Variants in TTC7A observed in about 807,000 individuals in gnomAD.
The protein encoded by TTC7A is tetratricopeptide repeat domain 7A.
TTC7A carries 110 observed loss-of-function variants against 103.7 expected under a neutral mutation model. The ratio of observed to expected loss-of-function variants is 1.06; its 90% CI spans 0.91 to 1.24. The LOEUF (loss-of-function observed/expected upper bound fraction) is 1.24, where lower values mean the gene tolerates loss of function less well. Among genes scored for constraint, TTC7A ranks in the 50% most tolerant of loss-of-function variants. The pLI is 0.00. For synonymous variants in TTC7A, 521 were observed against 467.9 expected (o/e 1.11, Z -1.47); for missense variants, 1,340 against 1,116.3 (o/e 1.20, Z -2.86).
chr2:47,052,064 C>G (rs975229025), intron 18 of TTC7A, among the ~76,000 whole-genome samples, 184 bp downstream of exon 18: 1 of 152,210 alleles, frequency 6.6e-6, no homozygotes, highest in African/African-American at 2.4e-5. Flanking sequence ...TGTCTGCCTT[C>G]CTGCCTGGGA....
At chr2:46,940,382 T>G (rs1416222577), upstream of TTC7A, among the ~76,000 whole-genome samples, 1 of 152,130 alleles carries the variant, frequency 6.6e-6, no homozygotes, top group African/African-American at 2.4e-5. This position sits in a 1 kb window ranked among gnomAD's most constrained non-coding sequence, Gnocchi z 4.7. Flanking sequence ...CACTGGTCTG[T>G]GAGCTGCGGC....
intron 15 of TTC7A, among the ~76,000 whole-genome samples, chr2:47,030,189 G>A (rs1265858777): frequency 6.6e-6 from 1 of 152,232 alleles, no homozygotes; most frequent in East Asian, 1.9e-4. Flanking sequence ...TTTAGAACCA[G>A]CCCAAGGCTG....
intron 2 of TTC7A, among the ~76,000 whole-genome samples, chr2:46,924,769 G>C (rs1669298484): frequency 6.6e-6 from 1 of 152,174 alleles, no homozygotes; most frequent in South Asian, 2.1e-4. Context: ...TGGGACTACA[G>C]GCACACTGCC....
At chr2:47,037,486 C>A (rs771980811) in intron 15 of TTC7A, among the ~76,000 whole-genome samples, 1 of 152,166 alleles carries the variant, frequency 6.6e-6, no homozygotes, top group Non-Finnish European at 1.5e-5. Flanking sequence ...CTTTACAGCA[C>A]CCCTGTTTTG....
In TTC7A at chr2:46,995,170, C is replaced by G; in HGVS notation, c.1036C>G (p.Leu346Val). Residue 346 changes from leucine to valine, a missense_variant, in exon 8 of 20, where the codon CTC becomes GTC. By Grantham distance (32) the Leu-to-Val change is conservative (BLOSUM62 1). Transcript: ENST00000319190. ...CCCCAAGGACAACATCGAGGAAGCC[C>G]TCCTGCTCCTCCTCATCAGCGAATC... ...YCPKDNIEEA[L>V]LLLLISESMA... 1 of 1,614,174 alleles carries G rather than the reference C, an allele frequency of 6.2e-7. No individual in the cohort carries two copies. Among genetic ancestry groups the G allele is most frequent in the Non-Finnish European group, 8.5e-7 (1 of 1,180,034 alleles).
chr2:46,958,798 C>T (rs1672127395), intron 3 of TTC7A, among the ~76,000 whole-genome samples: 1 of 152,180 alleles, frequency 6.6e-6, no homozygotes, highest in South Asian at 2.1e-4. Flanking sequence ...TTTGGGGGAT[C>T]CGGTGGGTCT....
At chr2:47,005,844 C>A in intron 8 of TTC7A, 78 bp from the exon 9 acceptor site, 3 of 1,543,714 alleles carry the variant, frequency 1.9e-6, no homozygotes, top group Non-Finnish European at 2.7e-6. Context: ...GCTGGGCCAG[C>A]AAGGTGGGGG....
chr2:47,005,891 C>A (rs1482862890), intron 8 of TTC7A, 31 bp from the exon 9 acceptor site: 2 of 1,613,340 alleles, frequency 1.2e-6, no homozygotes, highest in East Asian at 2.2e-5. Flanking sequence ...CTACTCTCCT[C>A]ACTCTTTCCC....
At chr2:46,937,592 C>T (rs1311762086), upstream of TTC7A, among the ~76,000 whole-genome samples, 7 of 152,218 alleles carry the variant, frequency 4.6e-5, no homozygotes, top group East Asian at 1.4e-3. The surrounding 1 kb of genome is among the most constrained non-coding windows in gnomAD (Gnocchi z 4.0). Context: ...ATGGAAAACC[C>T]CCCAATGATG....
intron 11 of TTC7A, among the ~76,000 whole-genome samples, chr2:47,011,763 C>T (rs902903673): frequency 6.6e-6 from 1 of 152,278 alleles, no homozygotes; most frequent in Admixed American, 6.5e-5. Context: ...GGACCAGCCT[C>T]ATCATTTCTG....
intron 11 of TTC7A, among the ~76,000 whole-genome samples, chr2:47,015,825 T>C (rs1190225493): frequency 6.6e-6 from 1 of 152,098 alleles, no homozygotes; most frequent in African/African-American, 2.4e-5. Flanking sequence ...GGAGAAAGAA[T>C]GCCAGCCCTC....
intron 18 of TTC7A, among the ~76,000 whole-genome samples, chr2:47,053,215 G>A (rs1021597429): frequency 2.6e-5 from 4 of 152,164 alleles, no homozygotes; most frequent in Non-Finnish European, 5.9e-5. Flanking sequence ...AGCTTGTTGG[G>A]TTTTAAGTAG....
chr2:47,014,032 G>T (rs1025920849), intron 11 of TTC7A, among the ~76,000 whole-genome samples: 2 of 152,162 alleles, frequency 1.3e-5, no homozygotes, highest in Non-Finnish European at 2.9e-5. Context: ...GATCATCTGT[G>T]TTTCTTGAGT....
chr2:46,973,768 A>G (rs1194737154), intron 3 of TTC7A, among the ~76,000 whole-genome samples: 1 of 152,218 alleles, frequency 6.6e-6, no homozygotes, highest in Non-Finnish European at 1.5e-5. Context: ...CAGGATACCC[A>G]GAAGAGACAG....
chr2:46,932,466 A>C (rs568491328), intron 2 of TTC7A, among the ~76,000 whole-genome samples: 59 of 152,168 alleles, frequency 3.9e-4, no homozygotes, highest in African/African-American at 1.3e-3. Flanking sequence ...TTATTTATTG[A>C]CCCTAGTTGA....
intron 2 of TTC7A, among the ~76,000 whole-genome samples, chr2:46,954,219 T>C (rs1020675045): frequency 1.3e-5 from 2 of 152,182 alleles, no homozygotes; most frequent in African/African-American, 2.4e-5. Context: ...ATGAAGTCCT[T>C]TTTCCCCTTT....
intron 5 of TTC7A, 76 bp from the exon 6 acceptor site, chr2:46,993,374 T>C (rs1037377389): frequency 8.7e-6 from 12 of 1,375,750 alleles, no homozygotes; most frequent in African/African-American, 2.9e-5. Context: ...CCTCCTGGGG[T>C]CTGCTGGTGT....
chr2:47,007,265 G>C lies in TTC7A; in HGVS notation c.1287+541G>C, dbSNP rs1300910386. Among the ~76,000 whole-genome samples, 4 of 152,094 alleles carry C rather than the reference G, an allele frequency of 2.6e-5. No individual in the cohort carries two copies. Among genetic ancestry groups the C allele is most frequent in the Admixed American group, 2.0e-4 (3 of 15,282 alleles). ...TGGGGACAGGGCCTGGCGGGACGCT[G>C]CCCGGAGCAAGGAGCACCGGGCATG... On this transcript the variant is annotated intron_variant, in intron 10 of 19. Transcript: ENST00000319190. This position sits in a 1 kb window ranked among gnomAD's most constrained non-coding sequence, Gnocchi z 4.9.
chr2:47,009,060 C>G (rs1196061422), intron 10 of TTC7A, among the ~76,000 whole-genome samples: 1 of 152,078 alleles, frequency 6.6e-6, no homozygotes, highest in Admixed American at 6.5e-5. Flanking sequence ...AGTTCAGCAG[C>G]CATGAGAAGG....
Sources: gnomAD v4.1 joint callset for allele counts (sites outside exome capture counted in the v4.1 genomes callset) on GRCh38, gnomAD v4.1.1 for gene constraint, Gnocchi (gnomAD v3.1) non-coding constraint, MANE v1.5 for transcripts, NCBI Gene and HGNC (gene_info 2026-07-23, HGNC 2026-07-21) for gene names.